DEF8: variants seen among roughly 807,000 people sequenced by gnomAD.
DEF8 encodes DEF-8.
DEF8 carries 38 observed loss-of-function variants against 59.1 expected under a neutral mutation model. The ratio of observed to expected loss-of-function variants is 0.64; its 90% CI spans 0.50 to 0.84. DEF8 has a LOEUF of 0.84. Among genes scored for constraint, DEF8 ranks in the 40% least tolerant of loss-of-function variants. The pLI is 0.00. For synonymous variants in DEF8, 265 were observed against 250.1 expected (o/e 1.06, Z -0.56); for missense variants, 557 against 615.2 (o/e 0.91, Z 1.00).
intron 5 of DEF8, among the ~76,000 whole-genome samples, chr16:89,958,718 G>A (rs2033613375): frequency 6.6e-6 from 1 of 152,198 alleles, no homozygotes; most frequent in Admixed American, 6.5e-5. Context: ...AGAGAGGCCG[G>A]GTCGCTCCCG....
chr16:89,961,356 C>G (rs929478431), intron 7 of DEF8, among the ~76,000 whole-genome samples: 1 of 152,216 alleles, frequency 6.6e-6, no homozygotes, highest in African/African-American at 2.4e-5. Context: ...CTCCGCCTCC[C>G]CGTGTGAAAG....
chr16:89,951,978 C>G (rs900025643), intron 2 of DEF8, among the ~76,000 whole-genome samples: 1 of 151,876 alleles, frequency 6.6e-6, no homozygotes, highest in Admixed American at 6.6e-5. Context: ...CCTGGGTTCA[C>G]GCTATTCTGC....
At position 89,966,088 on chromosome 16, in the gene DEF8, C is replaced by A; in HGVS notation, c.*125C>A. ...CTGGCCCCCTCCACCCCTGCTGGGC[C>A]AGAGCGGGTGGGCAGTGTCAAGGCC... On this transcript the variant is annotated 3_prime_UTR_variant, in exon 13 of 13. Coordinates refer to ENST00000563594, the MANE Select transcript of DEF8 (RefSeq NM_001242818.2). 1 of 699,662 alleles carries A rather than the reference C, an allele frequency of 1.4e-6. No individual in the cohort carries two copies. The highest frequency in any genetic ancestry group is 2.4e-6 in the Non-Finnish European group (1 of 422,522). The allele number at this position is 699,662 out of a possible 1,614,324, so 43.3% of individuals were successfully genotyped here.
At chr16:89,951,925 T>C (rs1264475118) in intron 2 of DEF8, among the ~76,000 whole-genome samples, 3 of 152,072 alleles carry the variant, frequency 2.0e-5, no homozygotes, top group Non-Finnish European at 2.9e-5. Flanking sequence ...TTGCCCAGGC[T>C]GGAGTGCAGT....
At chr16:89,958,717 G>T (rs560711717) in intron 5 of DEF8, among the ~76,000 whole-genome samples, 1 of 152,224 alleles carries the variant, frequency 6.6e-6, no homozygotes, top group South Asian at 2.1e-4. Flanking sequence ...CAGAGAGGCC[G>T]GGTCGCTCCC....
At chr16:89,949,912 C>G (rs909721931) in intron 2 of DEF8, among the ~76,000 whole-genome samples, 1 of 152,166 alleles carries the variant, frequency 6.6e-6, no homozygotes, top group African/African-American at 2.4e-5. Context: ...TGCTCAGAGT[C>G]GGCCACTGTG....
intron 9 of DEF8, 80 bp downstream of exon 9, chr16:89,962,205 C>T (rs919895820): frequency 1.3e-5 from 16 of 1,275,374 alleles, no homozygotes; most frequent in Non-Finnish European, 1.8e-5. Context: ...CCCTCTTCTC[C>T]TCTGGGCCAC....
rs377400827 is a variant in DEF8, at chr16:89,958,995, C to A, written c.373-19C>A. On this transcript the variant is annotated intron_variant, in intron 5 of 12. Transcript: ENST00000563594. Reference sequence around the variant, plus strand: ...AGCCCAGCTCACCTGTGACCCCCTCCCTGACTCACCCTCTGCAGGACCCCA... The same window carrying A: ...AGCCCAGCTCACCTGTGACCCCCTCACTGACTCACCCTCTGCAGGACCCCA... 1.2e-6 allele frequency: 2 copies of A among 1,607,796 alleles called. No individual in the cohort carries two copies. Among genetic ancestry groups the A allele is most frequent in the African/African-American group, 2.7e-5 (2 of 74,914 alleles).
At chr16:89,964,074 G>C (rs775298800) in intron 10 of DEF8, 96 bp from the exon 11 acceptor site, 3 of 1,526,382 alleles carry the variant, frequency 2.0e-6, no homozygotes, top group Non-Finnish European at 2.7e-6. Flanking sequence ...TCGTTTCTCT[G>C]TGAGCACCTG....
At chr16:89,949,690 C>G in intron 2 of DEF8, 177 bp downstream of exon 2, 1 of 1,521,060 alleles carries the variant, frequency 6.6e-7, no homozygotes, top group East Asian at 2.3e-5. Context: ...CTCCGTGCCC[C>G]GGAACCCCGC....
At chr16:89,951,229 A>G (rs1052267027) in intron 2 of DEF8, among the ~76,000 whole-genome samples, 6 of 152,020 alleles carry the variant, frequency 3.9e-5, no homozygotes, top group African/African-American at 1.5e-4. Context: ...TGTTACCATG[A>G]AACTATTGGG....
intron 2 of DEF8, chr16:89,950,155 C>A: frequency 1.0e-6 from 1 of 987,196 alleles, no homozygotes; most frequent in Non-Finnish European, 1.2e-6. Flanking sequence ...CTCCTCTGGC[C>A]ATGTTTTAAA....
intron 6 of DEF8, 102 bp from the exon 7 acceptor site, chr16:89,960,829 C>T (rs767006237): frequency 1.6e-5 from 20 of 1,260,646 alleles, no homozygotes; most frequent in Non-Finnish European, 2.1e-5. Flanking sequence ...TGATCTGGGC[C>T]TCAGAGTGGA....
chr16:89,953,104 TA>T (rs2151141560), intron 2 of DEF8, among the ~76,000 whole-genome samples: 1 of 152,310 alleles, frequency 6.6e-6, no homozygotes, highest in South Asian at 2.1e-4. Flanking sequence ...AGTGAAAGCA[TA>T]ACTAACACTG....
rs2032783957 is a variant in DEF8, at chr16:89,954,514, C to G, written c.124+138C>G. On this transcript the variant is annotated intron_variant, in intron 3 of 12. Transcript: ENST00000563594. The surrounding 1 kb of genome is among the most constrained non-coding windows in gnomAD (Gnocchi z 4.3). ...GCACCTGCTGGCTGTGTTCTTTTTC[C>G]CATCTCTTCTGTGGTCGTGTGGTTT... 1.1e-6 allele frequency: 1 copy of G among 948,642 alleles called. No individual in the cohort carries two copies. The highest frequency in any genetic ancestry group is 1.7e-5 in the African/African-American group (1 of 60,452). The allele number at this position is 948,642 out of a possible 1,614,324, so 58.8% of individuals were successfully genotyped here.
rs778902417 is a variant in DEF8 at position 89,962,059 on chromosome 16, C to A, written c.855C>A (p.Pro285=). The A allele has an allele frequency of 6.2e-7, 1 of 1,614,050 alleles. No homozygotes were observed. Among genetic ancestry groups the A allele is most frequent in the Admixed American group, 1.7e-5 (1 of 60,020 alleles). Residue 285 remains proline (P), a synonymous_variant, in exon 9 of 13, where the codon CCC becomes CCA. Coordinates refer to ENST00000563594, the MANE Select transcript of DEF8 (RefSeq NM_001242818.2). ...MRYLALMVSR[P]VLRLREINPL... Reference sequence around the variant, plus strand: ...ACCTGGCGCTGATGGTGTCTCGGCCCGTACTCAGGCTCCGGGAGATCAACC... The same window carrying A: ...ACCTGGCGCTGATGGTGTCTCGGCCAGTACTCAGGCTCCGGGAGATCAACC...
chr16:89,952,793 G>A (rs1347602639), intron 2 of DEF8: 1 of 152,328 alleles, frequency 6.6e-6, no homozygotes, highest in East Asian at 1.9e-4. Context: ...TGTCCTTTCA[G>A]GCTGGCGTGC....
Position 89,954,478 on chromosome 16 carries a change from C to T in DEF8, c.124+102C>T. The stretch of plus-strand genomic sequence containing the variant: ...CGCGTCCTGCGCAGCCCTGGCTTTC[C>T]CACGGAGCCGGCACCTGCTGGCTGT... On this transcript the variant is annotated intron_variant, in intron 3 of 12. Transcript: ENST00000563594. This position sits in a 1 kb window ranked among gnomAD's most constrained non-coding sequence, Gnocchi z 4.3. 7.3e-7 allele frequency: 1 copy of T among 1,361,478 alleles called. No individual in the cohort carries two copies. The highest frequency in any genetic ancestry group is 1.5e-5 in the African/African-American group (1 of 68,614). The allele number at this position is 1,361,478 out of a possible 1,614,324, so 84.3% of individuals were successfully genotyped here. A position where few individuals can be genotyped will look rare whatever the true frequency, so the allele number is the denominator to read the frequency against.
At chr16:89,951,084 A>G (rs970541818) in intron 2 of DEF8, among the ~76,000 whole-genome samples, 2 of 152,202 alleles carry the variant, frequency 1.3e-5, no homozygotes, top group African/African-American at 2.4e-5. Flanking sequence ...AATCTTGACA[A>G]TAACCCTGTA....
Sources: allele counts gnomAD v4.1 joint callset (sites outside exome capture counted in the v4.1 genomes callset), GRCh38; gene constraint gnomAD v4.1.1; non-coding constraint Gnocchi (gnomAD v3.1); transcripts MANE v1.5; gene names NCBI Gene and HGNC (gene_info 2026-07-23, HGNC 2026-07-21).